BCAS3: variants seen among roughly 807,000 people sequenced by gnomAD.
The protein encoded by BCAS3 is BCAS4/BCAS3 fusion.
A neutral mutation model predicts 116.1 loss-of-function variants in BCAS3; 53 were observed. The ratio of observed to expected loss-of-function variants is 0.46; its 90% confidence interval spans 0.37 to 0.57. The LOEUF is 0.57. BCAS3 is among the 20% of genes least tolerant of loss of function. The probability of loss-of-function intolerance (pLI) is 0.00; values close to 1 mark genes in which losing one functional copy is unlikely to be tolerated. For synonymous variants in BCAS3, 391 were observed against 408.2 expected, an observed-to-expected ratio of 0.96 and a Z score of 0.51; for missense variants, 917 against 1,165.4, an observed-to-expected ratio of 0.79 and a Z score of 3.10.
In BCAS3 at chr17:61,368,574, T is replaced by G; in HGVS notation, c.2593+80T>G. Reference sequence around the variant, plus strand: ...TGCAGAGCTTCTCTGGAATCGTTTGTGGGCATATGTTTGTTTTTGCTGTTG... The same window carrying G: ...TGCAGAGCTTCTCTGGAATCGTTTGGGGGCATATGTTTGTTTTTGCTGTTG... On this transcript the variant is annotated intron_variant, in intron 23 of 23. Transcript: ENST00000407086. This position sits in a 1 kb window ranked among gnomAD's most constrained non-coding sequence, Gnocchi z 6.0. 1 of 1,441,184 alleles carries G rather than the reference T, an allele frequency of 6.9e-7. No individual in the cohort carries two copies. The allele number at this position is 1,441,184 out of a possible 1,614,324, so 89.3% of individuals were successfully genotyped here.
At chr17:60,904,893 T>G (rs985825383) in intron 11 of BCAS3, among the ~76,000 whole-genome samples, 10 of 152,216 alleles carry the variant, frequency 6.6e-5, no homozygotes, top group African/African-American at 1.7e-4. Flanking sequence ...TAGAGAATTC[T>G]TTTTAATATT....
chr17:60,983,414 T>G (rs1356138620), intron 14 of BCAS3, among the ~76,000 whole-genome samples: 2 of 152,152 alleles, frequency 1.3e-5, no homozygotes, highest in African/African-American at 4.8e-5. Context: ...TTACATCTTG[T>G]GGATAGGCAA....
chr17:61,042,015 T>C (rs970456364), intron 19 of BCAS3, among the ~76,000 whole-genome samples: 1 of 152,004 alleles, frequency 6.6e-6, no homozygotes, highest in Non-Finnish European at 1.5e-5. Context: ...GGGTTATAAA[T>C]TGAACTGTGA....
intron 22 of BCAS3, among the ~76,000 whole-genome samples, chr17:61,172,759 G>A (rs2078918753): frequency 6.6e-6 from 1 of 151,940 alleles, no homozygotes; most frequent in East Asian, 1.9e-4. Context: ...GCCAAGGCGG[G>A]CGGATCACGA....
At chr17:60,790,705 A>G (rs4600521) in intron 6 of BCAS3, among the ~76,000 whole-genome samples, 18,110 of 148,468 alleles carry the variant, frequency 0.12, 1,211 homozygotes, top group African/African-American at 0.19. Flanking sequence ...TTAAATAACT[A>G]TAGTTTTATT....
intron 22 of BCAS3, among the ~76,000 whole-genome samples, chr17:61,232,399 G>C (rs2082740037): frequency 6.6e-6 from 1 of 151,210 alleles, no homozygotes; most frequent in Non-Finnish European, 1.5e-5. Flanking sequence ...CCAAAAAAAA[G>C]GTGGGGGGTG....
At chr17:60,816,269 TTTTTC>T (rs1400755358) in intron 7 of BCAS3, among the ~76,000 whole-genome samples, 2 of 132,808 alleles carry the variant, frequency 1.5e-5, no homozygotes, top group East Asian at 1.9e-4. Flanking sequence ...CTTTTCTTTC[TTTTTC>T]TTTTCTTTTT....
intron 16 of BCAS3, among the ~76,000 whole-genome samples, chr17:61,016,415 G>A (rs1401312140): frequency 6.6e-6 from 1 of 152,182 alleles, no homozygotes; most frequent in Non-Finnish European, 1.5e-5. Context: ...AGTGCACTAA[G>A]ATTTGGGCTT....
At chr17:60,699,560 C>T (rs949127269) in intron 4 of BCAS3, among the ~76,000 whole-genome samples, 3 of 152,056 alleles carry the variant, frequency 2.0e-5, no homozygotes, top group Admixed American at 1.3e-4. Flanking sequence ...AATAATTATG[C>T]CCTAGGTACA....
chr17:61,067,273 G>GTATA (rs1199603635), intron 19 of BCAS3, among the ~76,000 whole-genome samples: 4,838 of 58,454 alleles, frequency 0.083, 247 homozygotes, highest in Non-Finnish European at 0.098. Context: ...GTGTGTATGT[G>GTATA]TATATATATA....
intron 14 of BCAS3, among the ~76,000 whole-genome samples, chr17:60,984,770 G>A (rs1488820063): frequency 2.0e-5 from 3 of 151,960 alleles, no homozygotes; most frequent in Non-Finnish European, 4.4e-5. Context: ...AGCATTTTGG[G>A]AGGCCAAAGT....
At chr17:61,330,546 G>T (rs1315051095) in intron 22 of BCAS3, among the ~76,000 whole-genome samples, 1 of 152,236 alleles carries the variant, frequency 6.6e-6, no homozygotes, top group African/African-American at 2.4e-5. Context: ...AGGTCAGCAT[G>T]TGCCTCTGCG....
At chr17:60,812,667 A>G (rs143944966) in intron 7 of BCAS3, among the ~76,000 whole-genome samples, 661 of 152,316 alleles carry the variant, frequency 4.3e-3, no homozygotes, top group Admixed American at 6.8e-3. Flanking sequence ...TCAACAATCC[A>G]TGAGTCAATA....
intron 5 of BCAS3, among the ~76,000 whole-genome samples, chr17:60,710,175 A>C (rs1406163223): frequency 6.6e-6 from 1 of 152,134 alleles, no homozygotes; most frequent in Non-Finnish European, 1.5e-5. Flanking sequence ...GGGCCAGTAG[A>C]AGTTGAATTT....
intron 15 of BCAS3, among the ~76,000 whole-genome samples, chr17:60,991,826 T>C (rs1319583404): frequency 8.6e-6 from 1 of 116,770 alleles, no homozygotes; most frequent in Admixed American, 7.5e-5. Context: ...TTGTAGACTG[T>C]TACTTGTCCT....
At chr17:60,778,421 C>G (rs1200714573) in intron 6 of BCAS3, among the ~76,000 whole-genome samples, 1 of 151,964 alleles carries the variant, frequency 6.6e-6, no homozygotes, top group Admixed American at 6.6e-5. Context: ...TGTGGTGCAG[C>G]AAAATTTTAA....
rs1314247882 is a variant in BCAS3, at chr17:61,068,300, C to T, written c.2030-6620C>T. Among the ~76,000 whole-genome samples the T allele has an allele frequency of 6.6e-6, 1 of 151,852 alleles. No homozygotes were observed. Among genetic ancestry groups the T allele is most frequent in the African/African-American group, 2.4e-5 (1 of 41,316 alleles). On this transcript the variant is annotated intron_variant, in intron 19 of 23. Transcript: ENST00000407086. The surrounding 1 kb of genome is among the most constrained non-coding windows in gnomAD (Gnocchi z 4.3). ...AAAAATTAATCTCAATCAATTATAC[C>T]ACCTCCAAAGTTACATCTAAATTCT...
intron 15 of BCAS3, among the ~76,000 whole-genome samples, chr17:60,998,884 T>C (rs946817871): frequency 7.9e-5 from 12 of 152,172 alleles, no homozygotes; most frequent in African/African-American, 2.2e-4. Flanking sequence ...ATAAATTCTT[T>C]GCTCAAGCCA....
At position 61,023,062 on chromosome 17, in the gene BCAS3, G is replaced by T. The variant is rs912396042; in HGVS notation, c.1637+7161G>T. Among the ~76,000 whole-genome samples the T allele has an allele frequency of 1.3e-5, 2 of 152,144 alleles. No individual in the cohort carries two copies. The highest frequency in any genetic ancestry group is 2.9e-5 in the Non-Finnish European group (2 of 68,026). Reference sequence around the variant, plus strand: ...ATCAATAGTTTACTACCAGTAATACGATAGGTCTCTTTGGTAGGGAGCAAG... The same window carrying T: ...ATCAATAGTTTACTACCAGTAATACTATAGGTCTCTTTGGTAGGGAGCAAG... On this transcript the variant is annotated intron_variant, in intron 16 of 23. Coordinates refer to ENST00000407086, the MANE Select transcript of BCAS3 (RefSeq NM_017679.5). The surrounding 1 kb of genome is among the most constrained non-coding windows in gnomAD (Gnocchi z 4.8).
Sources: gnomAD v4.1 joint callset for allele counts (sites outside exome capture counted in the v4.1 genomes callset) on GRCh38, gnomAD v4.1.1 for gene constraint, Gnocchi (gnomAD v3.1) non-coding constraint, MANE v1.5 for transcripts, NCBI Gene and HGNC (gene_info 2026-07-23, HGNC 2026-07-21) for gene names.